Variants in PLXNA2 observed in about 807,000 individuals in gnomAD.
PLXNA2 encodes plexin A2.
In PLXNA2, 91 loss-of-function variants were observed where a neutral mutation model predicts 193.5. The ratio of observed to expected loss-of-function variants is 0.47; its 90% confidence interval spans 0.40 to 0.56. PLXNA2 has a LOEUF of 0.56. Ranked by LOEUF, PLXNA2 falls within the 20% of genes least tolerant of loss-of-function variation. The pLI is 0.00. For missense variants in PLXNA2, 1,995 were observed against 2,503.2 expected, an observed-to-expected ratio of 0.80 and a Z score of 4.33; for synonymous variants, 997 against 1,027.3, an observed-to-expected ratio of 0.97 and a Z score of 0.56.
At chr1:208,114,272 T>C (rs1667574391) in intron 4 of PLXNA2, among the ~76,000 whole-genome samples, 1 of 152,218 alleles carries the variant, frequency 6.6e-6, no homozygotes, top group South Asian at 2.1e-4. Flanking sequence ...CCTTGTTTTC[T>C]AATCTTCCAT....
At chr1:208,116,455 C>A (rs141043321) in intron 4 of PLXNA2, among the ~76,000 whole-genome samples, 204 of 152,306 alleles carry the variant, frequency 1.3e-3, no homozygotes, top group African/African-American at 4.4e-3. Flanking sequence ...GCTCTTTAAT[C>A]AAATGCACTA....
chr1:208,124,551 C>T (rs945095000), intron 4 of PLXNA2, among the ~76,000 whole-genome samples: 3 of 151,724 alleles, frequency 2.0e-5, no homozygotes, highest in Admixed American at 6.6e-5. Context: ...TGGTGGCGGG[C>T]GCCTGTAATC....
In PLXNA2 at chr1:208,243,864, T is replaced by G. The variant is rs1412011453; in HGVS notation, c.-302A>C. The G allele has an allele frequency of 6.6e-6, 1 of 152,338 alleles. No homozygotes were observed. The highest frequency in any genetic ancestry group is 1.9e-4 in the East Asian group (1 of 5,180). 9.4% of individuals were successfully genotyped at this position (152,338 alleles called of 1,614,324 possible). ...CCTCGGTCTCCGCTCCGCGCGCCCC[T>G]CAGTCCTCCGTCGCCCCGCAGCAGC... On this transcript the variant is annotated 5_prime_UTR_variant, in exon 1 of 32. Transcript: ENST00000367033.
chr1:208,096,757 C>G lies in PLXNA2; in HGVS notation c.1858G>C (p.Asp620His), dbSNP rs1666907257. 10 of 1,614,124 alleles carry G rather than the reference C, an allele frequency of 6.2e-6. No homozygotes were observed. The highest frequency in any genetic ancestry group is 8.5e-6 in the Non-Finnish European group (10 of 1,180,028). Reference protein sequence around the residue: ...QVICISPGPKDVPVIPLDQDW... With the variant: ...QVICISPGPKHVPVIPLDQDW... Reference sequence around the variant, plus strand: ...TGATCCAGCGGGATGACAGGGACATCCTTGGGCCCAGGTGAGATGCAGATG... The same window carrying G: ...TGATCCAGCGGGATGACAGGGACATGCTTGGGCCCAGGTGAGATGCAGATG... Residue 620 changes from aspartate to histidine, a missense_variant, in exon 7 of 32, where the codon GAT becomes CAT. Transcript: ENST00000367033.
chr1:208,148,144 C>T (rs907245093), intron 3 of PLXNA2, among the ~76,000 whole-genome samples: 1 of 152,194 alleles, frequency 6.6e-6, no homozygotes, highest in African/African-American at 2.4e-5. Context: ...CCAATTAACT[C>T]GCTTACCTGC....
intron 4 of PLXNA2, among the ~76,000 whole-genome samples, chr1:208,135,603 T>C (rs1401609955): frequency 6.6e-6 from 1 of 152,174 alleles, no homozygotes; most frequent in Admixed American, 6.5e-5. Context: ...TTTAAAGTTG[T>C]CAGTACTTCC....
intron 4 of PLXNA2, among the ~76,000 whole-genome samples, chr1:208,104,376 C>T (rs11118984): frequency 0.29 from 44,216 of 151,978 alleles, 6,743 homozygotes; most frequent in South Asian, 0.37. Context: ...AGAGAAACGA[C>T]AGCGAACAGC....
At chr1:208,121,909 ATCACAGC>A (rs2102450633) in intron 4 of PLXNA2, among the ~76,000 whole-genome samples, 1 of 152,286 alleles carries the variant, frequency 6.6e-6, no homozygotes, top group South Asian at 2.1e-4. Context: ...ACATGCTCAC[ATCACAGC>A]TCACACGGAT....
In PLXNA2 at chr1:208,040,083, G is replaced by C. The variant is rs559024103; in HGVS notation, c.4287-25C>G. ...CCTGGGGAAGGGACAAAGGGTAAGG[G>C]GCAGTCCTTCACAGAGGGGTCTCCG... is the stretch of plus-strand genomic sequence containing the variant. On this transcript the variant is annotated intron_variant, in intron 22 of 31. Coordinates refer to ENST00000367033, the MANE Select transcript of PLXNA2 (RefSeq NM_025179.4). The C allele has an allele frequency of 6.9e-5, 111 of 1,603,406 alleles. 1 individual carries two copies. The South Asian group carries it at 1.2e-3, about 17-fold the overall frequency.
intron 13 of PLXNA2, 64 bp from the exon 14 acceptor site, chr1:208,054,602 T>A: frequency 8.9e-7 from 1 of 1,121,826 alleles, no homozygotes; most frequent in Non-Finnish European, 1.4e-6. Flanking sequence ...GTTCACTTGC[T>A]CTCCCAGTCA....
intron 3 of PLXNA2, among the ~76,000 whole-genome samples, chr1:208,159,836 G>A (rs1669056426): frequency 1.3e-5 from 2 of 152,178 alleles, no homozygotes; most frequent in African/African-American, 4.8e-5. Context: ...TGAGTGGGAG[G>A]GTGAACCTGT....
chr1:208,118,388 C>T (rs1199078809), intron 4 of PLXNA2, among the ~76,000 whole-genome samples: 1 of 152,188 alleles, frequency 6.6e-6, no homozygotes, highest in African/African-American at 2.4e-5. Context: ...GCCCCTTGAC[C>T]CACTGGCCAC....
intron 9 of PLXNA2, among the ~76,000 whole-genome samples, chr1:208,085,967 T>A (rs1435967065): frequency 6.6e-6 from 1 of 152,248 alleles, no homozygotes; most frequent in African/African-American, 2.4e-5. Context: ...TTGGTTTTTT[T>A]AAATCATCAC....
Position 208,042,301 on chromosome 1 carries a change from G to A in PLXNA2, c.4083C>T (p.Asn1361=), listed in dbSNP as rs1329368124. ...GGATGAAGGTCAGCAGGAACACCTTGTTGTTGATGAGCTGGGCAAAGAGCT... is the reference window on the plus strand; with the variant it reads ...GGATGAAGGTCAGCAGGAACACCTTATTGTTGATGAGCTGGGCAAAGAGCT... The part of the protein sequence containing the change: ...ALKLFAQLIN[N]KVFLLTFIRT... Residue 1361 remains asparagine, a synonymous_variant, in exon 22 of 32, where the codon AAC becomes AAT. Coordinates refer to ENST00000367033, the MANE Select transcript of PLXNA2 (RefSeq NM_025179.4). The A allele has an allele frequency of 1.2e-6, 2 of 1,614,198 alleles. No homozygotes were observed. The highest frequency in any genetic ancestry group is 4.5e-5 in the East Asian group (2 of 44,880).
At chr1:208,114,360 A>C (rs1667576331) in intron 4 of PLXNA2, among the ~76,000 whole-genome samples, 1 of 152,212 alleles carries the variant, frequency 6.6e-6, no homozygotes, top group Non-Finnish European at 1.5e-5. Flanking sequence ...GTCTTTACAT[A>C]AGGAGGACAG....
intron 5 of PLXNA2, among the ~76,000 whole-genome samples, chr1:208,101,402 G>A (rs988380139): frequency 6.6e-6 from 1 of 152,212 alleles, no homozygotes; most frequent in African/African-American, 2.4e-5. Context: ...TGGTGAAGAA[G>A]AGAATGACCA....
chr1:208,218,997 G>A (rs1671235232), intron 1 of PLXNA2, among the ~76,000 whole-genome samples: 1 of 152,200 alleles, frequency 6.6e-6, no homozygotes, highest in Admixed American at 6.5e-5. Context: ...AAAGGGTGGT[G>A]AGGTGAGATT....
At chr1:208,211,469 A>C (rs1670941161) in intron 2 of PLXNA2, among the ~76,000 whole-genome samples, 1 of 152,148 alleles carries the variant, frequency 6.6e-6, no homozygotes, top group African/African-American at 2.4e-5. Context: ...CAAGGCGGGC[A>C]GTTCACGAAG....
At chr1:208,031,116 G>A in intron 29 of PLXNA2, 1 of 1,000,042 alleles carries the variant, frequency 1.0e-6, no homozygotes, top group Non-Finnish European at 1.2e-6. Flanking sequence ...CCTCTCCGGT[G>A]CTGACCAACT....
Sources: allele counts gnomAD v4.1 joint callset (sites outside exome capture counted in the v4.1 genomes callset), GRCh38; gene constraint gnomAD v4.1.1; transcripts MANE v1.5; gene names NCBI Gene and HGNC (gene_info 2026-07-23, HGNC 2026-07-21).